Variants in TTYH3 observed in about 807,000 individuals in gnomAD.
TTYH3 encodes tweety family member 3, also known as protein tweety homolog 3.
Under a neutral mutation model 68.2 loss-of-function variants are expected in TTYH3, and 23 were observed. The ratio of observed to expected loss-of-function variants is 0.34; its 90% CI spans 0.24 to 0.48. The LOEUF is 0.48. Ranked by LOEUF, TTYH3 falls within the 20% of genes least tolerant of loss-of-function variation. The pLI is 0.99. For missense variants in TTYH3, 768 were observed against 727.7 expected (o/e 1.06, Z -0.64); for synonymous variants, 360 against 332.8 (o/e 1.08, Z -0.89).
intron 1 of TTYH3, 43 bp downstream of exon 1, chr7:2,632,321 T>C (rs1376642836): frequency 2.0e-6 from 3 of 1,510,968 alleles, no homozygotes; most frequent in Non-Finnish European, 2.7e-6. Flanking sequence ...GGACCCCAGG[T>C]CACGGCCCCC....
Position 2,661,872 on chromosome 7 carries a change from T to A in TTYH3, c.*133T>A. On this transcript the variant is annotated 3_prime_UTR_variant, in exon 14 of 14. Transcript: ENST00000258796. The stretch of plus-strand genomic sequence containing the variant: ...TGCCCCAGACGCGTCTGCAGGCCGC[T>A]TGCCCTCCTGTCCCCTCCCCGCAGG... 1 of 985,442 alleles carries A rather than the reference T, an allele frequency of 1.0e-6. No homozygotes were observed. The highest frequency in any genetic ancestry group is 1.5e-6 in the Non-Finnish European group (1 of 658,246). The allele number at this position is 985,442 out of a possible 1,614,324, so 61.0% of individuals were successfully genotyped here.
chr7:2,632,221 C>T lies in TTYH3; in HGVS notation c.66C>T (p.Asp22=). 6.3e-7 allele frequency: 1 copy of T among 1,580,824 alleles called. No individual in the cohort carries two copies. Among genetic ancestry groups the T allele is most frequent in the Admixed American group, 1.8e-5 (1 of 56,568 alleles). Residue 22 remains aspartate (D), a synonymous_variant, in exon 1 of 14, where the codon GAC becomes GAT. Transcript: ENST00000258796. ...TCCTGCACCGGCTGCCCCACTTCGACCTGAGCTGGGAGGCCACTAGCAGCC... is the reference window on the plus strand; with the variant it reads ...TCCTGCACCGGCTGCCCCACTTCGATCTGAGCTGGGAGGCCACTAGCAGCC... ...VSLLHRLPHF[D]LSWEATSSQF...
chr7:2,647,194 C>T lies in TTYH3; in HGVS notation c.346C>T (p.His116Tyr), dbSNP rs1168090584. The T allele has an allele frequency of 2.5e-6, 4 of 1,606,746 alleles. No homozygotes were observed. The highest frequency in any genetic ancestry group is 3.4e-6 in the Non-Finnish European group (4 of 1,178,224). ...CAACGGGGAGACCAGTGATGGCATC[C>T]ATAGGGCCACCTACTCGCTCCGCCA... ...YGNGETSDGI[H>Y]RATYSLRHAN... Residue 116 changes from histidine (H) to tyrosine (Y), a missense_variant, in exon 3 of 14, where the codon CAT (histidine) becomes TAT (tyrosine). His to Tyr is a moderately conservative substitution (Grantham distance 83). Transcript: ENST00000258796.
In TTYH3 at chr7:2,647,209, T is replaced by C. The variant is rs1481922539; in HGVS notation, c.361T>C (p.Ser121Pro). The C allele has an allele frequency of 6.2e-7, 1 of 1,604,506 alleles. No homozygotes were observed. Among genetic ancestry groups the C allele is most frequent in the Admixed American group, 1.7e-5 (1 of 59,160 alleles). Residue 121 changes from serine (S) to proline (P), a missense_variant, in exon 3 of 14, where the codon TCG becomes CCG. Transcript: ENST00000258796. ...TGATGGCATCCATAGGGCCACCTACTCGCTCCGCCACGCCAACCGCACGGT... is the reference window on the plus strand; with the variant it reads ...TGATGGCATCCATAGGGCCACCTACCCGCTCCGCCACGCCAACCGCACGGT... ...TSDGIHRATY[S>P]LRHANRTVAG... is the part of the protein sequence containing the mutation.
chr7:2,657,339 T>C (rs1242194743), intron 11 of TTYH3, among the ~76,000 whole-genome samples: 4 of 150,930 alleles, frequency 2.7e-5, no homozygotes, highest in African/African-American at 9.9e-5. Context: ...GTAATGATGG[T>C]GATGGTGATG....
At chr7:2,643,588 C>T (rs909683891) in intron 1 of TTYH3, among the ~76,000 whole-genome samples, 7 of 152,224 alleles carry the variant, frequency 4.6e-5, no homozygotes, top group Non-Finnish European at 8.8e-5. Context: ...CCCTGGGCAT[C>T]AGCCCTCTGC....
At chr7:2,656,049 C>T (rs746673573) in intron 9 of TTYH3, 43 bp from the exon 10 acceptor site, 34 of 1,455,210 alleles carry the variant, frequency 2.3e-5, no homozygotes, top group African/African-American at 7.0e-5. Flanking sequence ...CGAGGTCCCC[C>T]GTCCAAATGA....
rs919338510 is a variant in TTYH3 at position 2,645,848 on chromosome 7, A to G, written c.124-1005A>G. 4.2e-6 allele frequency: 2 copies of G among 470,698 alleles called. No individual in the cohort carries two copies. Among genetic ancestry groups the G allele is most frequent in the East Asian group, 1.4e-4 (2 of 14,392 alleles). 29.2% of individuals were successfully genotyped at this position (470,698 alleles called of 1,614,324 possible). On this transcript the variant is annotated intron_variant, in intron 1 of 13. Transcript: ENST00000258796. This position sits in a 1 kb window ranked among gnomAD's most constrained non-coding sequence, Gnocchi z 4.8. ...TTTCCCTACCAGACCTGAAAACCTC[A>G]GGACTACAGCTGGGGTGGGGGATCC...
intron 1 of TTYH3, 104 bp from the exon 2 acceptor site, chr7:2,646,749 G>T: frequency 7.9e-7 from 1 of 1,273,718 alleles, no homozygotes. Flanking sequence ...CAGGGCTGGG[G>T]GCAGGATTAA....
chr7:2,660,010 C>T (rs752575839), intron 13 of TTYH3: 38 of 1,303,842 alleles, frequency 2.9e-5, no homozygotes, highest in South Asian at 4.9e-5. Flanking sequence ...AGTGCCCGAA[C>T]GCTGTGGTAG....
intron 2 of TTYH3, 40 bp from the exon 3 acceptor site, chr7:2,647,102 G>A (rs1316439712): frequency 7.1e-6 from 11 of 1,554,876 alleles, no homozygotes; most frequent in Non-Finnish European, 9.5e-6. Flanking sequence ...GGGTGTGTGT[G>A]GGTGGGCGGG....
Position 2,652,217 on chromosome 7 carries a change from C to T in TTYH3, c.902C>T (p.Pro301Leu), listed in dbSNP as rs1327626258. The change falls in exon 8 of 14, where the codon CCC becomes CTC. Residue 301 changes from proline (P) to leucine (L), a missense_variant. Physicochemically the swap from Pro to Leu is moderately conservative, Grantham distance 98. Transcript: ENST00000258796. ...CTGCAGTACTACCTGGCCTGCTCGC[C>T]CCGCGCCGCCAACCCCTTCCAGCAG... ...DILQYYLACS[P>L]RAANPFQQKL... The T allele has an allele frequency of 1.9e-6, 3 of 1,613,040 alleles. No homozygotes were observed. Among genetic ancestry groups the T allele is most frequent in the Admixed American group, 1.7e-5 (1 of 60,028 alleles).
At chr7:2,650,096 C>G in intron 7 of TTYH3, 108 bp downstream of exon 7, 1 of 1,125,482 alleles carries the variant, frequency 8.9e-7, no homozygotes, top group East Asian at 2.5e-5. Context: ...GGTCCATGGT[C>G]TCAGGGAGAC....
At chr7:2,633,486 C>T (rs561057719) in intron 1 of TTYH3, among the ~76,000 whole-genome samples, 6 of 151,986 alleles carry the variant, frequency 3.9e-5, no homozygotes, top group Non-Finnish European at 7.4e-5. Context: ...AGGAAGGGGG[C>T]GAGGGATCGG....
intron 1 of TTYH3, among the ~76,000 whole-genome samples, chr7:2,640,846 G>T (rs915201831): frequency 6.6e-6 from 1 of 152,268 alleles, no homozygotes; most frequent in African/African-American, 2.4e-5. Context: ...TCCAAGCAGG[G>T]CTGGGTTGGG....
chr7:2,634,355 C>T (rs1785603308), intron 1 of TTYH3, among the ~76,000 whole-genome samples: 2 of 152,182 alleles, frequency 1.3e-5, no homozygotes, highest in Non-Finnish European at 2.9e-5. Flanking sequence ...GGCCAGGAGC[C>T]CCCTTCCTGG....
chr7:2,641,535 A>C (rs919744072), intron 1 of TTYH3, among the ~76,000 whole-genome samples: 5 of 152,210 alleles, frequency 3.3e-5, no homozygotes, highest in Non-Finnish European at 7.4e-5. Flanking sequence ...CGCGGAACCC[A>C]GCGTGCAGTT....
intron 4 of TTYH3, 100 bp downstream of exon 4, chr7:2,647,738 G>T: frequency 7.6e-7 from 1 of 1,309,400 alleles, no homozygotes; most frequent in Non-Finnish European, 1.1e-6. Context: ...GGCCTGATGG[G>T]CAGGGTGTGG....
At chr7:2,649,876 T>G (rs1385328400) in intron 6 of TTYH3, 37 bp from the exon 7 acceptor site, 1 of 1,611,300 alleles carries the variant, frequency 6.2e-7, no homozygotes, top group Non-Finnish European at 8.5e-7. Context: ...TAGGCCCAGC[T>G]TGGTCAACCC....
Sources: gnomAD v4.1 joint callset for allele counts (sites outside exome capture counted in the v4.1 genomes callset) on GRCh38, gnomAD v4.1.1 for gene constraint, Gnocchi (gnomAD v3.1) non-coding constraint, MANE v1.5 for transcripts, NCBI Gene and HGNC (gene_info 2026-07-23, HGNC 2026-07-21) for gene names.